LCOR: variants seen among roughly 807,000 people sequenced by gnomAD.
LCOR encodes ligand-dependent corepressor.
In LCOR, 14 loss-of-function variants were observed where a neutral mutation model predicts 64.4. The observed-to-expected ratio is 0.22, with a 90% confidence interval of 0.14 to 0.34. The LOEUF is 0.34. LCOR is among the 10% of genes least tolerant of loss of function. The probability of loss-of-function intolerance (pLI) is 1.00; values close to 1 mark genes in which losing one functional copy is unlikely to be tolerated. For missense variants in LCOR, 1,686 were observed against 1,765.3 expected, an observed-to-expected ratio of 0.96 and a Z score of 0.80; for synonymous variants, 643 against 642.5, an observed-to-expected ratio of 1.00 and a Z score of -0.01.
At chr10:96,929,530 G>T (rs778410433) in intron 4 of LCOR, among the ~76,000 whole-genome samples, 2 of 152,244 alleles carry the variant, frequency 1.3e-5, no homozygotes, top group African/African-American at 2.4e-5. Context: ...TTAAGAGAAT[G>T]TTGTGGCTGG....
chr10:96,925,677 C>G (rs1264592086), intron 4 of LCOR, among the ~76,000 whole-genome samples: 1 of 151,986 alleles, frequency 6.6e-6, no homozygotes, highest in Non-Finnish European at 1.5e-5. Flanking sequence ...CCAGGTTTCT[C>G]CACTGAAATA....
intron 7 of LCOR, among the ~76,000 whole-genome samples, chr10:96,965,077 C>T (rs1847934800): frequency 6.6e-6 from 1 of 151,652 alleles, no homozygotes; most frequent in Non-Finnish European, 1.5e-5. Context: ...GGCACGATCT[C>T]GGCTCACTGC....
At chr10:96,925,073 TTTTA>T (rs1348559649) in intron 4 of LCOR, among the ~76,000 whole-genome samples, 1 of 151,772 alleles carries the variant, frequency 6.6e-6, no homozygotes, top group Non-Finnish European at 1.5e-5. Context: ...TTATTTTCAT[TTTTA>T]TTTATTTATT....
intron 1 of LCOR, among the ~76,000 whole-genome samples, chr10:96,832,794 T>G (rs1845365569): frequency 6.7e-6 from 1 of 149,948 alleles, no homozygotes; most frequent in Non-Finnish European, 1.5e-5. Context: ...GCTGCCGCTG[T>G]ACTGGGGGAG....
chr10:96,880,884 A>G (rs7085822), intron 2 of LCOR, among the ~76,000 whole-genome samples: 21,526 of 152,266 alleles, frequency 0.14, 2,102 homozygotes, highest in African/African-American at 0.27. Context: ...TAGGTGAACC[A>G]CTGAACGCAG....
intron 2 of LCOR, among the ~76,000 whole-genome samples, chr10:96,841,066 C>G (rs56333838): frequency 4.6e-5 from 7 of 152,302 alleles, no homozygotes; most frequent in Non-Finnish European, 8.8e-5. Flanking sequence ...ATCGCTTGAG[C>G]CCAGGAGGTC....
Position 96,981,492 on chromosome 10 carries a change from C to G in LCOR, c.1032C>G (p.Phe344Leu), listed in dbSNP as rs758887432. 2.0e-5 allele frequency: 33 copies of G among 1,614,150 alleles called. No individual in the cohort carries two copies. The highest frequency in any genetic ancestry group is 1.7e-6 in the Non-Finnish European group (2 of 1,180,028). Reference protein sequence around the residue: ...NTCIIPQRNLFKALSEEAWNS... With the variant: ...NTCIIPQRNLLKALSEEAWNS... ...GTATTATTCCTCAAAGAAATTTGTTCAAAGCTTTATCAGAAGAGGCTTGGA... is the reference window on the plus strand; with the variant it reads ...GTATTATTCCTCAAAGAAATTTGTTGAAAGCTTTATCAGAAGAGGCTTGGA... Residue 344 changes from phenylalanine to leucine, a missense_variant, in exon 8 of 8, where the codon TTC (phenylalanine) becomes TTG (leucine). Phe to Leu is a conservative substitution (Grantham distance 22). Coordinates refer to ENST00000421806, the MANE Select transcript of LCOR (RefSeq NM_001346516.2).
intron 2 of LCOR, among the ~76,000 whole-genome samples, chr10:96,840,534 G>A (rs376619119): frequency 5.9e-5 from 9 of 152,094 alleles, no homozygotes; most frequent in African/African-American, 1.9e-4. Flanking sequence ...TTAGACTAAC[G>A]TTTCAAATTT....
intron 2 of LCOR, among the ~76,000 whole-genome samples, chr10:96,896,324 C>CT (rs1356528621): frequency 6.6e-6 from 1 of 151,982 alleles, no homozygotes; most frequent in East Asian, 1.9e-4. Context: ...GAGTTGACTG[C>CT]TTGTGAGGAA....
rs1848230238 is a variant in LCOR at position 96,994,904 on chromosome 10, A to G, written c.*9770A>G. The G allele has an allele frequency of 1.3e-5, 2 of 152,212 alleles. No individual in the cohort carries two copies. Among genetic ancestry groups the G allele is most frequent in the African/African-American group, 2.4e-5 (1 of 41,452 alleles). 9.4% of individuals were successfully genotyped at this position (152,212 alleles called of 1,614,324 possible). On this transcript the variant is annotated 3_prime_UTR_variant, in exon 8 of 8. Transcript: ENST00000421806. ...AGGCATTGGTCATCTTTGTAAACTC[A>G]TGGCATTATTTCCTCATATGCATTA... is the stretch of plus-strand genomic sequence containing the variant.
At chr10:96,890,733 G>T (rs548688855) in intron 2 of LCOR, among the ~76,000 whole-genome samples, 1 of 152,270 alleles carries the variant, frequency 6.6e-6, no homozygotes, top group Non-Finnish European at 1.5e-5. Context: ...TTCCTAGATT[G>T]TTGAGCGTTT....
chr10:96,946,774 T>C (rs1432017324), intron 5 of LCOR, among the ~76,000 whole-genome samples: 1 of 152,130 alleles, frequency 6.6e-6, no homozygotes, highest in Non-Finnish European at 1.5e-5. Flanking sequence ...ACTGCAGACA[T>C]TGAGTGCTCA....
At position 96,984,136 on chromosome 10, in the gene LCOR, T is replaced by C; in HGVS notation, c.3676T>C (p.Tyr1226His). The C allele has an allele frequency of 6.2e-7, 1 of 1,614,190 alleles. No individual in the cohort carries two copies. Among genetic ancestry groups the C allele is most frequent in the Non-Finnish European group, 8.5e-7 (1 of 1,180,024 alleles). The change falls in exon 8 of 8, where the codon TAT becomes CAT. Residue 1226 changes from tyrosine to histidine, a missense_variant. By Grantham distance (83) the Tyr-to-His change is moderately conservative. Transcript: ENST00000421806. ...PLQKYAPSSL[Y>H]PSSLQAERLK... is the part of the protein sequence containing the mutation. ...TCAGAAATACGCTCCTTCCAGCCTA[T>C]ATCCCAGTTCACTACAGGCTGAGCG...
intron 7 of LCOR, among the ~76,000 whole-genome samples, chr10:96,966,099 A>G (rs1376465627): frequency 6.7e-6 from 1 of 148,498 alleles, no homozygotes; most frequent in African/African-American, 2.5e-5. Context: ...AGGGGGCCCT[A>G]TGTCTTAACA....
chr10:96,950,050 G>A lies in LCOR; in HGVS notation c.238+755G>A, dbSNP rs918174492. ...TACCTTTAATTTCACAAAAATTGAA[G>A]CAAGCATTTCAACTCAGCCACTGTT... On this transcript the variant is annotated intron_variant, in intron 6 of 7. Coordinates refer to ENST00000421806, the MANE Select transcript of LCOR (RefSeq NM_001346516.2). Among the ~76,000 whole-genome samples, 5 of 152,220 alleles carry A rather than the reference G, an allele frequency of 3.3e-5. No homozygotes were observed. The East Asian group carries it at 7.7e-4, about 23-fold the overall frequency.
Position 96,990,952 on chromosome 10 carries a change from G to T in LCOR, c.*5818G>T, listed in dbSNP as rs780693640. 1.3e-5 allele frequency: 2 copies of T among 148,998 alleles called. No individual in the cohort carries two copies. The highest frequency in any genetic ancestry group is 5.0e-5 in the African/African-American group (2 of 40,240). 9.2% of individuals were successfully genotyped at this position (148,998 alleles called of 1,614,324 possible). A position where few individuals can be genotyped will look rare whatever the true frequency, so the allele number is the denominator to read the frequency against. ...AGACTGTCCATTTAAAAAAAAATCA[G>T]GTACTCATGGTATTACAATATGCCA... On this transcript the variant is annotated 3_prime_UTR_variant, in exon 8 of 8. Coordinates refer to ENST00000421806, the MANE Select transcript of LCOR (RefSeq NM_001346516.2).
intron 2 of LCOR, among the ~76,000 whole-genome samples, chr10:96,833,904 TGGG>T (rs1210569008): frequency 3.3e-5 from 5 of 150,686 alleles, no homozygotes; most frequent in Non-Finnish European, 5.9e-5. Context: ...ACATATCTGT[TGGG>T]GGGAAGGGTG....
rs574506033 is a variant in LCOR at position 96,912,039 on chromosome 10, C to T, written c.-184+4292C>T. On this transcript the variant is annotated intron_variant, in intron 4 of 7. Coordinates refer to ENST00000421806, the MANE Select transcript of LCOR (RefSeq NM_001346516.2). ...CTCCACCTCCCTGGTTCAAGCAGTTCCCCTACCTCAGTCTCCCGAGTAGCT... is the reference window on the plus strand; with the variant it reads ...CTCCACCTCCCTGGTTCAAGCAGTTTCCCTACCTCAGTCTCCCGAGTAGCT... Among the ~76,000 whole-genome samples the T allele has an allele frequency of 1.7e-4, 26 of 152,080 alleles. No homozygotes were observed. In the South Asian group the frequency reaches 5.2e-3, roughly 30 times the overall value.
chr10:96,860,702 A>G (rs1040543941), intron 2 of LCOR, among the ~76,000 whole-genome samples: 18 of 152,270 alleles, frequency 1.2e-4, no homozygotes, highest in African/African-American at 3.6e-4. Context: ...TTCCCGGTGG[A>G]TATCTTCAGA....
Sources: allele counts gnomAD v4.1 joint callset (sites outside exome capture counted in the v4.1 genomes callset), GRCh38; gene constraint gnomAD v4.1.1; transcripts MANE v1.5; gene names NCBI Gene and HGNC (gene_info 2026-07-23, HGNC 2026-07-21).